ROBO1: variants seen among roughly 807,000 people sequenced by gnomAD.
ROBO1 encodes roundabout guidance receptor 1.
A neutral mutation model predicts 195.9 loss-of-function variants in ROBO1; 149 were observed. That is an observed-to-expected ratio of 0.76 (90% CI 0.67 to 0.87). The LOEUF (loss-of-function observed/expected upper bound fraction) is 0.87, where lower values mean the gene tolerates loss of function less well. Ranked by LOEUF, ROBO1 falls within the 40% of genes least tolerant of loss-of-function variation. The pLI is 0.00. For synonymous variants in ROBO1, 816 were observed against 733.2 expected (o/e 1.11, Z -1.82); for missense variants, 1,933 against 2,068.3 (o/e 0.93, Z 1.27).
At chr3:79,128,390 C>T (rs1226461224) in intron 2 of ROBO1, among the ~76,000 whole-genome samples, 4 of 152,054 alleles carry the variant, frequency 2.6e-5, no homozygotes, top group Non-Finnish European at 5.9e-5. Flanking sequence ...CATTTGTGTA[C>T]CTACCCATTT....
chr3:78,768,042 T>G (rs776568102), intron 4 of ROBO1, among the ~76,000 whole-genome samples: 1 of 152,160 alleles, frequency 6.6e-6, no homozygotes, highest in Non-Finnish European at 1.5e-5. Context: ...CTTTCAGACT[T>G]TTTGATGTAG....
At chr3:79,509,038 A>G (rs1308333709) in intron 2 of ROBO1, among the ~76,000 whole-genome samples, 1 of 152,182 alleles carries the variant, frequency 6.6e-6, no homozygotes, top group African/African-American at 2.4e-5. Flanking sequence ...TTGATGACAC[A>G]TTAGTAAGTC....
intron 1 of ROBO1, among the ~76,000 whole-genome samples, chr3:79,648,738 T>A (rs1945909417): frequency 6.6e-6 from 1 of 151,898 alleles, no homozygotes. Flanking sequence ...TAAATCTAAA[T>A]AAGTACATAT....
At chr3:79,442,821 C>A (rs1290125218) in intron 2 of ROBO1, among the ~76,000 whole-genome samples, 1 of 152,134 alleles carries the variant, frequency 6.6e-6, no homozygotes, top group Non-Finnish European at 1.5e-5. Context: ...CCTGAACCAT[C>A]CTGCTTCTCA....
chr3:78,786,259 C>T (rs2083831088), intron 4 of ROBO1, among the ~76,000 whole-genome samples: 1 of 152,050 alleles, frequency 6.6e-6, no homozygotes, highest in African/African-American at 2.4e-5. Context: ...ATTACCATGG[C>T]TACTTATATT....
intron 26 of ROBO1, among the ~76,000 whole-genome samples, chr3:78,626,930 G>C (rs1216546625): frequency 6.6e-6 from 1 of 152,120 alleles, no homozygotes; most frequent in Non-Finnish European, 1.5e-5. Flanking sequence ...AATTTTAAAA[G>C]ACAGGAGAAA....
chr3:78,960,822 A>G (rs1576472376), intron 3 of ROBO1, among the ~76,000 whole-genome samples: 1 of 150,768 alleles, frequency 6.6e-6, no homozygotes, highest in Non-Finnish European at 1.5e-5. Flanking sequence ...ACACACACAC[A>G]CACACACACA....
intron 3 of ROBO1, chr3:79,019,386 G>A: frequency 1.0e-6 from 1 of 985,840 alleles, no homozygotes; most frequent in Non-Finnish European, 1.2e-6. Flanking sequence ...GGCCGCCGCG[G>A]CTCACCCCAG....
At chr3:79,461,363 G>T (rs747767017) in intron 2 of ROBO1, among the ~76,000 whole-genome samples, 6 of 152,018 alleles carry the variant, frequency 3.9e-5, no homozygotes, top group Non-Finnish European at 7.4e-5. Flanking sequence ...TTGGCCTTTT[G>T]CATCTTGAGC....
At chr3:79,719,202 T>C (rs1349615976) in intron 1 of ROBO1, among the ~76,000 whole-genome samples, 3 of 151,936 alleles carry the variant, frequency 2.0e-5, no homozygotes, top group African/African-American at 7.2e-5. Context: ...AGAATAAAAG[T>C]AGAAAAATTC....
chr3:79,326,422 C>T (rs2034217338), intron 2 of ROBO1, among the ~76,000 whole-genome samples: 1 of 152,154 alleles, frequency 6.6e-6, no homozygotes, highest in African/African-American at 2.4e-5. Flanking sequence ...AAATTTCTCT[C>T]TTTTGTACTC....
chr3:79,034,439 G>A (rs1023708779), intron 3 of ROBO1, among the ~76,000 whole-genome samples: 1 of 152,114 alleles, frequency 6.6e-6, no homozygotes, highest in Non-Finnish European at 1.5e-5. Flanking sequence ...CTCTGGGAGT[G>A]AAGAACGAAG....
At chr3:78,745,538 C>T (rs1417984307) in intron 5 of ROBO1, among the ~76,000 whole-genome samples, 10 of 152,104 alleles carry the variant, frequency 6.6e-5, no homozygotes, top group Admixed American at 6.6e-4. Context: ...TCTGTTATCA[C>T]TAACAAGAAA....
chr3:79,704,190 C>T (rs774230136), intron 1 of ROBO1, among the ~76,000 whole-genome samples: 17 of 151,884 alleles, frequency 1.1e-4, no homozygotes, highest in Non-Finnish European at 1.8e-4. Flanking sequence ...GGTACATTTG[C>T]TACAATATCA....
intron 1 of ROBO1, among the ~76,000 whole-genome samples, chr3:79,703,898 C>T (rs1012328319): frequency 2.2e-4 from 34 of 151,758 alleles, no homozygotes; most frequent in African/African-American, 8.2e-4. Flanking sequence ...CAAAGAGAGT[C>T]TTTGATGAAG....
chr3:79,629,898 TAA>T (rs1464145501), intron 1 of ROBO1, among the ~76,000 whole-genome samples: 1 of 151,788 alleles, frequency 6.6e-6, no homozygotes, highest in Non-Finnish European at 1.5e-5. Flanking sequence ...CTACTAGAAA[TAA>T]AGTTTTTAAA....
intron 4 of ROBO1, among the ~76,000 whole-genome samples, chr3:78,831,872 C>A (rs1397579137): frequency 6.6e-6 from 1 of 152,120 alleles, no homozygotes; most frequent in Non-Finnish European, 1.5e-5. Context: ...GAAATGTATT[C>A]ACTATCACAA....
At chr3:79,212,875 C>T (rs2081990801) in intron 2 of ROBO1, among the ~76,000 whole-genome samples, 2 of 149,948 alleles carry the variant, frequency 1.3e-5, no homozygotes, top group South Asian at 4.2e-4. Flanking sequence ...AATAAAATAA[C>T]CCATTCTGGG....
intron 3 of ROBO1, among the ~76,000 whole-genome samples, chr3:79,028,545 T>C (rs1379566286): frequency 2.0e-5 from 3 of 151,996 alleles, no homozygotes; most frequent in African/African-American, 7.2e-5. Context: ...TAAAGTTATA[T>C]TAGAATGTTT....
Sources: allele counts gnomAD v4.1 joint callset (sites outside exome capture counted in the v4.1 genomes callset), GRCh38; gene constraint gnomAD v4.1.1; transcripts MANE v1.5; gene names NCBI Gene and HGNC (gene_info 2026-07-23, HGNC 2026-07-21).